The following PPIG variants were observed in gnomAD, a reference collection of about 807,000 sequenced individuals.
The protein encoded by PPIG is peptidylprolyl isomerase G.
Under a neutral mutation model 87.9 loss-of-function variants are expected in PPIG, and 26 were observed. The observed-to-expected ratio is 0.30, with a 90% CI of 0.22 to 0.41. The LOEUF (loss-of-function observed/expected upper bound fraction) is 0.41, where lower values mean the gene tolerates loss of function less well. Ranked by LOEUF, PPIG falls within the 10% of genes least tolerant of loss-of-function variation. The probability of loss-of-function intolerance (pLI) is 1.00; values close to 1 mark genes in which losing one functional copy is unlikely to be tolerated. For missense variants in PPIG, 722 were observed against 879.4 expected, an observed-to-expected ratio of 0.82 and a Z score of 2.26; for synonymous variants, 308 against 276.5, an observed-to-expected ratio of 1.11 and a Z score of -1.13.
In PPIG at chr2:169,631,907, C is replaced by CAG; in HGVS notation, c.913_914dup (p.Arg306LysfsTer21). On this transcript the variant is annotated frameshift_variant, in exon 11 of 14. Transcript: ENST00000260970. LOFTEE classifies it high-confidence loss of function. ...AAGCTGATGAGAAGGAAAGGAAAAA[C>CAG]AGAGAGAGAGAAAGGGAAAGAGAGT... 1 of 1,599,832 alleles carries CAG rather than the reference C, an allele frequency of 6.3e-7. No homozygotes were observed. The highest frequency in any genetic ancestry group is 8.6e-7 in the Non-Finnish European group (1 of 1,168,682).
intron 9 of PPIG, 148 bp downstream of exon 9, chr2:169,614,872 T>A (rs1685573018): frequency 2.0e-6 from 2 of 978,874 alleles, no homozygotes; most frequent in Non-Finnish European, 1.4e-6. Context: ...TATTTTTTAC[T>A]TTTTTAAGTT....
In PPIG at chr2:169,613,587, A is replaced by AT. The variant is rs1164531035; in HGVS notation, c.378-869dup. ...CGTTTGCCAAAAAATGCTTATTTTA[A>AT]TTTTTTTTCCCAACTCCTAATCCAG... is the stretch of plus-strand genomic sequence containing the variant. On this transcript the variant is annotated intron_variant, in intron 7 of 13. Transcript: ENST00000260970. 3.9e-5 allele frequency among the ~76,000 whole-genome samples: 6 copies of AT among 152,034 alleles called. No homozygotes were observed. In the South Asian group the frequency reaches 6.2e-4, roughly 16 times the overall value.
intron 9 of PPIG, 31 bp from the exon 10 acceptor site, chr2:169,630,740 ATTG>A: frequency 6.5e-7 from 1 of 1,541,316 alleles, no homozygotes; most frequent in Non-Finnish European, 8.8e-7. Context: ...TTGTCTAAAA[ATTG>A]TTGATCAAAA....
At position 169,631,895 on chromosome 2, in the gene PPIG, G is replaced by A. The variant is rs1574464567; in HGVS notation, c.891G>A (p.Lys297=). Residue 297 remains lysine, a synonymous_variant, in exon 11 of 14, where the codon AAG becomes AAA. Coordinates refer to ENST00000260970, the MANE Select transcript of PPIG (RefSeq NM_004792.3). ...AAAGTCCTCCTAAAGCTGATGAGAA[G>A]GAAAGGAAAAACAGAGAGAGAGAAA... ...MRKSPPKADE[K]ERKNRERERE... 6.2e-7 allele frequency: 1 copy of A among 1,606,448 alleles called. No individual in the cohort carries two copies. The highest frequency in any genetic ancestry group is 1.1e-5 in the South Asian group (1 of 90,816).
chr2:169,625,631 T>A (rs1176462191), intron 9 of PPIG, among the ~76,000 whole-genome samples: 1 of 152,178 alleles, frequency 6.6e-6, no homozygotes. Context: ...TGTTGATTCC[T>A]TTACCGCCTA....
chr2:169,605,639 G>T (rs4991629), intron 4 of PPIG, among the ~76,000 whole-genome samples: 26,979 of 150,546 alleles, frequency 0.18, 2,715 homozygotes, highest in African/African-American at 0.26. Flanking sequence ...CAGTCTCTAC[G>T]AAAAAAAAAA....
chr2:169,594,324 C>CAAAAA (rs375893335), intron 1 of PPIG, among the ~76,000 whole-genome samples: 4 of 140,458 alleles, frequency 2.8e-5, no homozygotes, highest in African/African-American at 2.6e-5. Flanking sequence ...TGTTGATAGG[C>CAAAAA]AAAAAAAAAA....
rs1456525094 is a variant in PPIG, at chr2:169,639,289, C to T, written c.*1766C>T. On this transcript the variant is annotated 3_prime_UTR_variant, in exon 14 of 14. Coordinates refer to ENST00000260970, the MANE Select transcript of PPIG (RefSeq NM_004792.3). ...GAGTCTGAGTGCCCAAGCTATATAA[C>T]GTTATGTAGTTTAAGCAAGTTATTG... is the stretch of plus-strand genomic sequence containing the variant. 1 of 151,934 alleles carries T rather than the reference C, an allele frequency of 6.6e-6. No homozygotes were observed. The highest frequency in any genetic ancestry group is 1.5e-5 in the Non-Finnish European group (1 of 67,914). 9.4% of individuals were successfully genotyped at this position (151,934 alleles called of 1,614,324 possible). A position where few individuals can be genotyped will look rare whatever the true frequency, so the allele number is the denominator to read the frequency against.
intron 9 of PPIG, among the ~76,000 whole-genome samples, chr2:169,627,783 A>G (rs562692414): frequency 3.2e-4 from 47 of 145,574 alleles, no homozygotes; most frequent in Non-Finnish European, 5.6e-4. Flanking sequence ...TGTATTTCTC[A>G]TAGGAAAGAA....
intron 1 of PPIG, among the ~76,000 whole-genome samples, chr2:169,587,460 C>G (rs943946769): frequency 1.9e-4 from 29 of 150,304 alleles, no homozygotes; most frequent in Admixed American, 6.7e-5. Flanking sequence ...TAGGCTGGTC[C>G]CAAACTCCTG....
intron 1 of PPIG, among the ~76,000 whole-genome samples, chr2:169,589,228 C>T (rs1242993767): frequency 6.6e-6 from 1 of 152,074 alleles, no homozygotes; most frequent in Admixed American, 6.6e-5. Flanking sequence ...ATGTTGCTAC[C>T]AGTGCAGTGG....
At chr2:169,615,764 T>A (rs1395129406) in intron 9 of PPIG, among the ~76,000 whole-genome samples, 1 of 152,140 alleles carries the variant, frequency 6.6e-6, no homozygotes, top group Non-Finnish European at 1.5e-5. Context: ...AACATGAGAG[T>A]GAGATATCTC....
intron 1 of PPIG, among the ~76,000 whole-genome samples, chr2:169,590,899 C>T (rs1306877547): frequency 2.6e-5 from 4 of 152,116 alleles, no homozygotes; most frequent in African/African-American, 7.2e-5. Flanking sequence ...CCCAGCTACT[C>T]GGGAGGCTGA....
intron 1 of PPIG, 199 bp downstream of exon 1, chr2:169,584,689 G>C (rs1436629794): frequency 2.9e-6 from 1 of 339,016 alleles, no homozygotes; most frequent in African/African-American, 2.2e-5. Flanking sequence ...TGCCGCTGTT[G>C]CAGAAGGAGA....
chr2:169,612,410 A>G (rs1343293429), intron 7 of PPIG, among the ~76,000 whole-genome samples: 9 of 121,570 alleles, frequency 7.4e-5, no homozygotes, highest in Admixed American at 3.8e-4. Flanking sequence ...TTGAGACAGA[A>G]TCTTGCTCTG....
intron 1 of PPIG, among the ~76,000 whole-genome samples, chr2:169,591,920 A>ATTT (rs3067016): frequency 0.012 from 1,065 of 87,366 alleles, 65 homozygotes; most frequent in East Asian, 0.028. Context: ...GCAATTCATG[A>ATTT]TTTTTTTTTT....
At chr2:169,635,574 T>A (rs1686158193) in intron 12 of PPIG, among the ~76,000 whole-genome samples, 2 of 152,210 alleles carry the variant, frequency 1.3e-5, no homozygotes, top group African/African-American at 4.8e-5. Flanking sequence ...TCACTGATGT[T>A]CTCTCAGTAT....
At chr2:169,611,084 T>C (rs1685475139) in intron 7 of PPIG, among the ~76,000 whole-genome samples, 1 of 152,064 alleles carries the variant, frequency 6.6e-6, no homozygotes, top group Non-Finnish European at 1.5e-5. Context: ...TGCGGGCGCA[T>C]GTAATCCCAG....
Position 169,637,437 on chromosome 2 carries a change from G to C in PPIG, c.2179G>C (p.Gly727Arg). The C allele has an allele frequency of 6.2e-7, 1 of 1,611,930 alleles. No individual in the cohort carries two copies. The highest frequency in any genetic ancestry group is 1.3e-5 in the African/African-American group (1 of 74,878). Residue 727 changes from glycine to arginine, a missense_variant, in exon 14 of 14, where the codon GGT becomes CGT. Physicochemically the swap from Gly to Arg is moderately radical, Grantham distance 125. Around this residue, in one of 4 missense-constraint regions of PPIG, gnomAD observed 476 missense variants for 483.1 expected, o/e 0.99. Transcript: ENST00000260970. The part of the protein sequence containing the change: ...SVEKENQKSK[G>R]QENDHVHEKN... The stretch of plus-strand genomic sequence containing the variant: ...GGAAAAAGAAAACCAAAAATCAAAA[G>C]GTCAAGAAAATGACCATGTACATGA...
Sources: gnomAD v4.1 joint callset for allele counts (sites outside exome capture counted in the v4.1 genomes callset) on GRCh38, gnomAD v4.1.1 for gene constraint, gnomAD v4.1.1 regional missense constraint, MANE v1.5 for transcripts, NCBI Gene and HGNC (gene_info 2026-07-23, HGNC 2026-07-21) for gene names.